The following RORA variants were observed in gnomAD, a reference collection of about 807,000 sequenced individuals.
RORA encodes RAR related orphan receptor A, also known as nuclear receptor ROR-alpha.
Under a neutral mutation model 69.5 loss-of-function variants are expected in RORA, and 7 were observed. The observed-to-expected ratio is 0.10, with a 90% CI of 0.06 to 0.19. The LOEUF (loss-of-function observed/expected upper bound fraction) is 0.19. Among genes scored for constraint, RORA ranks in the 10% least tolerant of loss-of-function variants. RORA has a pLI of 1.00. For missense variants in RORA, 457 were observed against 663.0 expected (o/e 0.69, Z 3.41); for synonymous variants, 261 against 240.8 (o/e 1.08, Z -0.78).
At chr15:61,043,357 G>C (rs958832250) in intron 1 of RORA, among the ~76,000 whole-genome samples, 4 of 152,082 alleles carry the variant, frequency 2.6e-5, no homozygotes, top group African/African-American at 9.7e-5. Context: ...TCACAGATGA[G>C]AACTCCAGTT....
intron 1 of RORA, among the ~76,000 whole-genome samples, chr15:61,184,959 T>C (rs1434344108): frequency 8.3e-6 from 1 of 121,202 alleles, no homozygotes; most frequent in Non-Finnish European, 1.6e-5. Context: ...CACTCCAGCC[T>C]GGGCAAAGGA....
At chr15:60,590,325 G>C (rs1567109613) in intron 2 of RORA, among the ~76,000 whole-genome samples, 3 of 152,140 alleles carry the variant, frequency 2.0e-5, no homozygotes, top group Non-Finnish European at 2.9e-5. Flanking sequence ...TGGGGGTAGC[G>C]TGTGTGATTC....
At chr15:60,513,120 G>A (rs1300804741) in intron 4 of RORA, among the ~76,000 whole-genome samples, 4 of 152,210 alleles carry the variant, frequency 2.6e-5, no homozygotes, top group African/African-American at 9.7e-5. Context: ...TTGCCAAAGA[G>A]GACGCGCTGT....
chr15:61,083,089 T>G (rs140689385), intron 1 of RORA, among the ~76,000 whole-genome samples: 2 of 152,108 alleles, frequency 1.3e-5, no homozygotes, highest in Non-Finnish European at 2.9e-5. Flanking sequence ...CTCAAAAAGG[T>G]GTGGAATTGT....
intron 1 of RORA, among the ~76,000 whole-genome samples, chr15:60,767,586 C>G (rs1288416940): frequency 6.6e-6 from 1 of 152,136 alleles, no homozygotes; most frequent in African/African-American, 2.4e-5. Flanking sequence ...GCAATATGGG[C>G]TGCCAGATCT....
Position 60,905,793 on chromosome 15 carries a change from G to A in RORA, c.167-227107C>T, listed in dbSNP as rs1891518683. Among the ~76,000 whole-genome samples the A allele has an allele frequency of 6.6e-6, 1 of 152,146 alleles. No homozygotes were observed. The highest frequency in any genetic ancestry group is 1.5e-5 in the Non-Finnish European group (1 of 68,006). On this transcript the variant is annotated intron_variant, in intron 1 of 10. Transcript: ENST00000335670. This position sits in a 1 kb window ranked among gnomAD's most constrained non-coding sequence, Gnocchi z 4.8. ...CCTGGTTCTTGGGGCACCCCCTAGT[G>A]ACATGTTCCTATACCCTAGGATATC... is the stretch of plus-strand genomic sequence containing the variant.
intron 2 of RORA, among the ~76,000 whole-genome samples, chr15:60,572,246 G>A (rs1006292740): frequency 6.6e-6 from 1 of 152,198 alleles, no homozygotes; most frequent in Non-Finnish European, 1.5e-5. Flanking sequence ...ATGTGGTCCT[G>A]CATTTCACAT....
At chr15:60,726,439 G>A (rs2071358050) in intron 1 of RORA, among the ~76,000 whole-genome samples, 2 of 152,204 alleles carry the variant, frequency 1.3e-5, no homozygotes, top group African/African-American at 4.8e-5. Context: ...CCTACTGTGT[G>A]CAAGGCAGTT....
At chr15:60,908,446 C>T (rs551109537) in intron 1 of RORA, among the ~76,000 whole-genome samples, 1 of 152,242 alleles carries the variant, frequency 6.6e-6, no homozygotes, top group South Asian at 2.1e-4. Context: ...ATAGAAGGCA[C>T]CTCTGGAGAG....
chr15:60,753,068 T>C (rs957507210), intron 1 of RORA, among the ~76,000 whole-genome samples: 11 of 152,226 alleles, frequency 7.2e-5, no homozygotes, highest in African/African-American at 2.4e-4. Context: ...GCAAATATTA[T>C]TGCTTCTGGT....
chr15:60,748,152 C>T (rs2071674362), intron 1 of RORA, among the ~76,000 whole-genome samples: 1 of 152,148 alleles, frequency 6.6e-6, no homozygotes, highest in South Asian at 2.1e-4. Flanking sequence ...AAAAGATTTG[C>T]TTTTAAGTCA....
chr15:61,023,676 A>G (rs999177596), intron 1 of RORA, among the ~76,000 whole-genome samples: 17 of 152,208 alleles, frequency 1.1e-4, no homozygotes, highest in Admixed American at 2.6e-4. Flanking sequence ...GCAGTGTTCC[A>G]GGTAACAGCT....
chr15:60,512,776 C>G (rs1275996764), intron 4 of RORA, among the ~76,000 whole-genome samples: 1 of 152,214 alleles, frequency 6.6e-6, no homozygotes, highest in African/African-American at 2.4e-5. Context: ...GGAGCAGTCA[C>G]TATAATGAAT....
intron 1 of RORA, among the ~76,000 whole-genome samples, chr15:60,801,591 T>C (rs1226005433): frequency 6.6e-6 from 1 of 152,252 alleles, no homozygotes; most frequent in Non-Finnish European, 1.5e-5. Flanking sequence ...CTCTGCATTT[T>C]ACAGATGACT....
chr15:61,064,077 T>C (rs1425459820), intron 1 of RORA, among the ~76,000 whole-genome samples: 3 of 152,224 alleles, frequency 2.0e-5, no homozygotes, highest in Non-Finnish European at 4.4e-5. Flanking sequence ...CGAGGGCAGC[T>C]GTGATGGCAA....
At chr15:61,089,006 C>T (rs1246753553) in intron 1 of RORA, among the ~76,000 whole-genome samples, 1 of 152,152 alleles carries the variant, frequency 6.6e-6, no homozygotes, top group Non-Finnish European at 1.5e-5. Context: ...GTGTCTACAC[C>T]CAACACCAGC....
intron 1 of RORA, among the ~76,000 whole-genome samples, chr15:61,196,796 A>ATT (rs2079849343): frequency 6.6e-6 from 1 of 152,248 alleles, no homozygotes; most frequent in South Asian, 2.1e-4. Flanking sequence ...TTTTAAAAAA[A>ATT]TTTTAAGACA....
intron 1 of RORA, among the ~76,000 whole-genome samples, chr15:61,184,754 G>T (rs1354539707): frequency 6.6e-6 from 1 of 152,060 alleles, no homozygotes; most frequent in Non-Finnish European, 1.5e-5. Flanking sequence ...GAAAGCCAAG[G>T]TGGGAGAATT....
intron 1 of RORA, among the ~76,000 whole-genome samples, chr15:61,169,056 T>C (rs2079562908): frequency 6.6e-6 from 1 of 152,118 alleles, no homozygotes; most frequent in Admixed American, 6.5e-5. Context: ...TTAAAGGAGC[T>C]TGGGAACTTG....
Sources: allele counts gnomAD v4.1 joint callset (sites outside exome capture counted in the v4.1 genomes callset), GRCh38; gene constraint gnomAD v4.1.1; non-coding constraint Gnocchi (gnomAD v3.1); transcripts MANE v1.5; gene names NCBI Gene and HGNC (gene_info 2026-07-23, HGNC 2026-07-21).